The following TEKT5 variants were observed in gnomAD, a reference collection of about 807,000 sequenced individuals.
TEKT5 encodes the protein tektin-5.
A neutral mutation model predicts 48.7 loss-of-function variants in TEKT5; 52 were observed. The observed-to-expected ratio is 1.07, with a 90% CI of 0.86 to 1.35. The LOEUF (loss-of-function observed/expected upper bound fraction) is 1.35, where lower values mean the gene tolerates loss of function less well. Among genes scored for constraint, TEKT5 ranks in the 40% most tolerant of loss-of-function variants. The pLI, the probability that TEKT5 is intolerant of heterozygous loss-of-function variation, is 0.00. For missense variants in TEKT5, 831 were observed against 641.6 expected (o/e 1.30, Z -3.19); for synonymous variants, 318 against 267.6 (o/e 1.19, Z -1.84).
At chr16:10,678,813 C>G (rs1233742962) in intron 4 of TEKT5, among the ~76,000 whole-genome samples, 1 of 152,224 alleles carries the variant, frequency 6.6e-6, no homozygotes, top group Non-Finnish European at 1.5e-5. Flanking sequence ...GAAAATAACC[C>G]GCTTAATCAC....
chr16:10,649,070 C>A (rs1235159875), intron 5 of TEKT5, among the ~76,000 whole-genome samples: 1 of 152,168 alleles, frequency 6.6e-6, no homozygotes, highest in Non-Finnish European at 1.5e-5. Flanking sequence ...CTGCCTCAGC[C>A]ACCTGAGTAA....
chr16:10,639,640 T>C (rs1897962789), intron 5 of TEKT5, among the ~76,000 whole-genome samples: 1 of 152,234 alleles, frequency 6.6e-6, no homozygotes, highest in Non-Finnish European at 1.5e-5. Context: ...GCTCACAGTC[T>C]ATTTTTCAAA....
intron 5 of TEKT5, among the ~76,000 whole-genome samples, chr16:10,661,341 C>A (rs1430537232): frequency 6.6e-6 from 1 of 152,170 alleles, no homozygotes; most frequent in African/African-American, 2.4e-5. Flanking sequence ...CACCTCGCTA[C>A]TCCAAGTGTG....
At chr16:10,640,132 T>A (rs1021682421) in intron 5 of TEKT5, among the ~76,000 whole-genome samples, 2 of 110,130 alleles carry the variant, frequency 1.8e-5, no homozygotes, top group East Asian at 3.0e-4. Context: ...CCCCCCTTCC[T>A]CCTCCCCCTT....
chr16:10,644,273 C>G (rs2142267272), intron 5 of TEKT5, among the ~76,000 whole-genome samples: 1 of 152,220 alleles, frequency 6.6e-6, no homozygotes, highest in Non-Finnish European at 1.5e-5. Flanking sequence ...ATTCCCATTG[C>G]ACATATGAAG....
At chr16:10,631,423 G>C (rs1447741481) in intron 6 of TEKT5, among the ~76,000 whole-genome samples, 1 of 151,908 alleles carries the variant, frequency 6.6e-6, no homozygotes, top group Non-Finnish European at 1.5e-5. Context: ...CCAGGCTGCT[G>C]TGTAAGATGA....
intron 5 of TEKT5, among the ~76,000 whole-genome samples, chr16:10,639,742 G>T (rs1897963970): frequency 6.6e-6 from 1 of 152,182 alleles, no homozygotes; most frequent in African/African-American, 2.4e-5. Context: ...CATAAGCAAA[G>T]GTTTGTGTCT....
chr16:10,689,391 G>T, intron 2 of TEKT5, 68 bp from the exon 3 acceptor site: 3 of 1,386,554 alleles, frequency 2.2e-6, no homozygotes, highest in South Asian at 1.2e-5. Flanking sequence ...CCAGGCCAGA[G>T]CCCTCAGCTC....
At chr16:10,675,556 T>C (rs1244517699) in intron 5 of TEKT5, among the ~76,000 whole-genome samples, 1 of 152,188 alleles carries the variant, frequency 6.6e-6, no homozygotes, top group Non-Finnish European at 1.5e-5. Context: ...TTCAGGCCTT[T>C]GGAAGTCAAA....
At chr16:10,650,258 G>T (rs1265263378) in intron 5 of TEKT5, among the ~76,000 whole-genome samples, 1 of 151,730 alleles carries the variant, frequency 6.6e-6, no homozygotes, top group Non-Finnish European at 1.5e-5. Context: ...GTGCGACAAG[G>T]CCCGGCTGAT....
chr16:10,688,128 T>G (rs1195192168), intron 3 of TEKT5, among the ~76,000 whole-genome samples: 1 of 152,222 alleles, frequency 6.6e-6, no homozygotes, highest in Non-Finnish European at 1.5e-5. Context: ...GGTGGAATTG[T>G]GAGAAATTAG....
At position 10,673,740 on chromosome 16, in the gene TEKT5, T is replaced by C. The variant is rs565328558; in HGVS notation, c.1086+2219A>G. On this transcript the variant is annotated intron_variant, in intron 5 of 6. Transcript: ENST00000283025. ...ATCTCGGCTCATTGCAACCTCTGCC[T>C]CTTGGGTTCAAATGATTCTCCCGCC... Among the ~76,000 whole-genome samples the C allele has an allele frequency of 2.6e-3, 365 of 138,896 alleles. 2 individuals carry two copies. The highest frequency in any genetic ancestry group is 9.4e-3 in the African/African-American group (347 of 37,010). The allele number at this position is 138,896 out of a possible 152,430, so 91.1% of individuals were successfully genotyped here.
chr16:10,661,660 T>C (rs894220693), intron 5 of TEKT5, among the ~76,000 whole-genome samples: 2 of 152,044 alleles, frequency 1.3e-5, no homozygotes, highest in African/African-American at 4.8e-5. Flanking sequence ...TAGGAAGGAC[T>C]TGAGAACTTA....
intron 4 of TEKT5, among the ~76,000 whole-genome samples, chr16:10,676,406 A>G (rs1444664236): frequency 6.6e-6 from 1 of 152,176 alleles, no homozygotes; most frequent in Admixed American, 6.5e-5. Context: ...ACATCGCCAA[A>G]TGACCCTGCC....
intron 5 of TEKT5, among the ~76,000 whole-genome samples, chr16:10,641,093 T>C (rs1188150886): frequency 1.3e-5 from 2 of 152,222 alleles, no homozygotes; most frequent in Non-Finnish European, 2.9e-5. Context: ...CCACCAGCAG[T>C]ATTCACGACT....
chr16:10,678,913 G>A (rs1347584305), intron 4 of TEKT5, among the ~76,000 whole-genome samples: 1 of 152,188 alleles, frequency 6.6e-6, no homozygotes, highest in African/African-American at 2.4e-5. Context: ...TGGAGTCTTT[G>A]TTCTCTAAAG....
Position 10,689,342 on chromosome 16 carries a change from G to A in TEKT5, c.649-19C>T, listed in dbSNP as rs1180485516. 3 of 1,606,514 alleles carry A rather than the reference G, an allele frequency of 1.9e-6. No homozygotes were observed. The highest frequency in any genetic ancestry group is 8.5e-7 in the Non-Finnish European group (1 of 1,174,024). The stretch of plus-strand genomic sequence containing the variant: ...CCACTTCCTGAAATGAAAAATGTCA[G>A]AAAGAGCAGTGCCTCTTAGAACCTC... On this transcript the variant is annotated intron_variant, in intron 2 of 6. Transcript: ENST00000283025.
At chr16:10,658,627 G>A (rs1898304506) in intron 5 of TEKT5, among the ~76,000 whole-genome samples, 1 of 152,018 alleles carries the variant, frequency 6.6e-6, no homozygotes, top group Admixed American at 6.6e-5. Flanking sequence ...GGGGGCTCCT[G>A]GAACTAGAAA....
intron 3 of TEKT5, among the ~76,000 whole-genome samples, chr16:10,683,559 C>T (rs1176838549): frequency 6.6e-6 from 1 of 152,194 alleles, no homozygotes; most frequent in Admixed American, 6.5e-5. Context: ...CGACTATTTA[C>T]TTATTTTTCC....
Sources: allele counts gnomAD v4.1 joint callset (sites outside exome capture counted in the v4.1 genomes callset), GRCh38; gene constraint gnomAD v4.1.1; transcripts MANE v1.5; gene names NCBI Gene and HGNC (gene_info 2026-07-23, HGNC 2026-07-21).